The following SSRP1 variants were observed in gnomAD, a reference collection of about 807,000 sequenced individuals.
SSRP1 encodes FACT complex subunit SSRP1.
In SSRP1, 21 loss-of-function variants were observed where a neutral mutation model predicts 84.4. That is an observed-to-expected ratio of 0.25 (90% CI 0.18 to 0.36). The LOEUF (loss-of-function observed/expected upper bound fraction) is 0.36. Among genes scored for constraint, SSRP1 ranks in the 10% least tolerant of loss-of-function variants. The pLI is 1.00. For synonymous variants in SSRP1, 319 were observed against 318.3 expected, an observed-to-expected ratio of 1.00 and a Z score of -0.02; for missense variants, 519 against 900.8, an observed-to-expected ratio of 0.58 and a Z score of 5.43.
intron 8 of SSRP1, 65 bp from the exon 9 acceptor site, chr11:57,331,954 A>G: frequency 1.3e-6 from 2 of 1,524,788 alleles, no homozygotes; most frequent in Admixed American, 3.7e-5. Context: ...CGTATCTAGC[A>G]GCAGCGACAC....
chr11:57,330,728 C>T lies in SSRP1; in HGVS notation c.1296+127G>A, dbSNP rs962231828. 46 of 1,525,172 alleles carry T rather than the reference C, an allele frequency of 3.0e-5. No homozygotes were observed. The highest frequency in any genetic ancestry group is 4.1e-5 in the African/African-American group (3 of 72,456). The allele number at this position is 1,525,172 out of a possible 1,614,324, so 94.5% of individuals were successfully genotyped here. A position where few individuals can be genotyped will look rare whatever the true frequency, so the allele number is the denominator to read the frequency against. On this transcript the variant is annotated intron_variant, in intron 10 of 16. Transcript: ENST00000278412. This position sits in a 1 kb window ranked among gnomAD's most constrained non-coding sequence, Gnocchi z 4.0. ...GCACCAGGAGGGGGAAAGGGTCACA[C>T]GCACCTCTTTTTTCTATAAGGGTAA... is the stretch of plus-strand genomic sequence containing the variant.
intron 12 of SSRP1, chr11:57,329,297 C>T (rs371138246): frequency 7.9e-4 from 120 of 152,300 alleles, no homozygotes; most frequent in African/African-American, 2.8e-3. Flanking sequence ...TGGGAACCAC[C>T]TTGCCCCCAC....
In SSRP1 at chr11:57,330,010, ACCTGAGAAATGT is replaced by A. The variant is rs1856058189; in HGVS notation, c.1481+71_1481+82del. 6.5e-7 allele frequency: 1 copy of A among 1,541,838 alleles called. No individual in the cohort carries two copies. The highest frequency in any genetic ancestry group is 1.7e-5 in the Admixed American group (1 of 59,894). ...TTCTGGGTCAGTAGCTAATGCTGGG[ACCTGAGAAATGT>A]CCAGAAATCTTCTGGTCCCTTAAGC... On this transcript the variant is annotated intron_variant, in intron 12 of 16. Coordinates refer to ENST00000278412, the MANE Select transcript of SSRP1 (RefSeq NM_003146.3). This position sits in a 1 kb window ranked among gnomAD's most constrained non-coding sequence, Gnocchi z 4.0.
Position 57,333,092 on chromosome 11 carries a change from T to C in SSRP1, c.404A>G (p.Asn135Ser), listed in dbSNP as rs1295464703. ...CTTGCCTGTGGTGCACTGGGACACA[T>C]TGCTGAGGGGTATCTCAAAGACTGG... ...DQPVFEIPLS[N>S]VSQCTTGKNE... The change falls in exon 5 of 17, where the codon AAT becomes AGT. Residue 135 changes from asparagine (N) to serine (S), a missense_variant. Transcript: ENST00000278412. 2.5e-6 allele frequency: 4 copies of C among 1,614,096 alleles called. No individual in the cohort carries two copies. Among genetic ancestry groups the C allele is most frequent in the South Asian group, 2.2e-5 (2 of 91,080 alleles).
chr11:57,327,360 CG>C, intron 15 of SSRP1, 65 bp downstream of exon 15: 1 of 1,486,614 alleles, frequency 6.7e-7, no homozygotes, highest in Non-Finnish European at 9.4e-7. Context: ...TGCTCAACTT[CG>C]GCCTGTTAAA....
intron 12 of SSRP1, 37 bp from the exon 13 acceptor site, chr11:57,328,463 G>C: frequency 6.2e-7 from 1 of 1,612,630 alleles, no homozygotes; most frequent in Non-Finnish European, 8.5e-7. Context: ...CTTGAGGAGG[G>C]AAGACAGGAC....
At position 57,335,207 on chromosome 11, in the gene SSRP1, G is replaced by A; in HGVS notation, c.-86C>T. ...AACTGGGAGCTGGGCCCCAACTCCTGAGTGGGTGTGCGGATGCTCAGCAGG... is the reference window on the plus strand; with the variant it reads ...AACTGGGAGCTGGGCCCCAACTCCTAAGTGGGTGTGCGGATGCTCAGCAGG... On this transcript the variant is annotated 5_prime_UTR_variant, in exon 2 of 17. Transcript: ENST00000278412. The surrounding 1 kb of genome is among the most constrained non-coding windows in gnomAD (Gnocchi z 4.6). The A allele has an allele frequency of 7.2e-7, 1 of 1,388,768 alleles. No individual in the cohort carries two copies. Among genetic ancestry groups the A allele is most frequent in the Non-Finnish European group, 1.0e-6 (1 of 977,256 alleles). The allele number at this position is 1,388,768 out of a possible 1,614,324, so 86.0% of individuals were successfully genotyped here. A position where few individuals can be genotyped will look rare whatever the true frequency, so the allele number is the denominator to read the frequency against.
chr11:57,332,480 G>A lies in SSRP1; in HGVS notation c.775C>T (p.Leu259=). Residue 259 remains leucine (L), a synonymous_variant, in exon 7 of 17, where the codon CTG becomes TTG. Transcript: ENST00000278412. The surrounding 1 kb of genome is among the most constrained non-coding windows in gnomAD (Gnocchi z 5.5). ...DQRQMFFVIS[L]DPPIKQGQTR... The stretch of plus-strand genomic sequence containing the variant: ...TGGCCTTGCTTGATTGGGGGATCCA[G>A]GCTGATCTAGTAAGGAAGAGTACTA... 1 of 1,614,040 alleles carries A rather than the reference G, an allele frequency of 6.2e-7. No individual in the cohort carries two copies. Among genetic ancestry groups the A allele is most frequent in the East Asian group, 2.2e-5 (1 of 44,884 alleles).
chr11:57,328,035 C>T, intron 13 of SSRP1, 153 bp from the exon 14 acceptor site: 1 of 1,012,550 alleles, frequency 9.9e-7, no homozygotes, highest in Non-Finnish European at 1.4e-6. Context: ...ATAGTATCTC[C>T]TTCCCCTCTG....
chr11:57,334,321 T>C (rs1856160210), intron 3 of SSRP1, 142 bp downstream of exon 3: 1 of 892,260 alleles, frequency 1.1e-6, no homozygotes. Flanking sequence ...CAAACACTGA[T>C]TGCCTGATGG....
rs776740487 is a variant in SSRP1 at position 57,330,937 on chromosome 11, G to A, written c.1224-10C>T. 3 of 1,614,078 alleles carry A rather than the reference G, an allele frequency of 1.9e-6. No individual in the cohort carries two copies. The highest frequency in any genetic ancestry group is 1.1e-5 in the South Asian group (1 of 91,082). On this transcript the variant is annotated splice_polypyrimidine_tract_variant and intron_variant, in intron 9 of 16. Transcript: ENST00000278412. This position sits in a 1 kb window ranked among gnomAD's most constrained non-coding sequence, Gnocchi z 4.0. ...TTTCCCGTACTCCTCCCTGTGAGGGGACATGCACCATGTTACCAGAGAGGT... is the reference window on the plus strand; with the variant it reads ...TTTCCCGTACTCCTCCCTGTGAGGGAACATGCACCATGTTACCAGAGAGGT...
At chr11:57,329,872 G>A in intron 12 of SSRP1, 2 of 618,778 alleles carry the variant, frequency 3.2e-6, no homozygotes, top group South Asian at 3.9e-5. Flanking sequence ...AGGGCGGTAT[G>A]GCCATAGATC....
Position 57,333,538 on chromosome 11 carries a change from C to T in SSRP1, c.243G>A (p.Glu81=), listed in dbSNP as rs752331254. 45 of 1,612,046 alleles carry T rather than the reference C, an allele frequency of 2.8e-5. No individual in the cohort carries two copies. Among genetic ancestry groups the T allele is most frequent in the Admixed American group, 5.0e-5 (3 of 59,996 alleles). The part of the protein sequence containing the change: ...VYKYDGFRES[E]FEKLSDFFKT... ...TGAAGAAATCAGAGAGTTTCTCAAA[C>T]TCCTGTGGGTGGAGGGAAGAAAGCA... is the stretch of plus-strand genomic sequence containing the variant. The change falls in exon 4 of 17, where the codon GAG becomes GAA. Residue 81 remains glutamate, a splice_region_variant and synonymous_variant. Transcript: ENST00000278412.
At position 57,326,206 on chromosome 11, in the gene SSRP1, A is replaced by G. The variant is rs529931230; in HGVS notation, c.*201T>C. 3 of 606,312 alleles carry G rather than the reference A, an allele frequency of 4.9e-6. No individual in the cohort carries two copies. The South Asian group carries it at 6.1e-5, about 12-fold the overall frequency. 37.6% of individuals were successfully genotyped at this position (606,312 alleles called of 1,614,324 possible). On this transcript the variant is annotated 3_prime_UTR_variant, in exon 17 of 17. Coordinates refer to ENST00000278412, the MANE Select transcript of SSRP1 (RefSeq NM_003146.3). The stretch of plus-strand genomic sequence containing the variant: ...CTGCCTCCCACCCTATCTCTCCCCA[A>G]ATTATAAACAGCCATCCTTGGGAAG...
chr11:57,328,239 C>G, intron 13 of SSRP1, 58 bp downstream of exon 13: 2 of 1,588,484 alleles, frequency 1.3e-6, no homozygotes, highest in Non-Finnish European at 1.7e-6. Flanking sequence ...AAAGAGAATG[C>G]CTCCCACGCC....
At chr11:57,327,234 C>T (rs1274642347) in intron 15 of SSRP1, 192 bp downstream of exon 15, 8 of 699,766 alleles carry the variant, frequency 1.1e-5, no homozygotes, top group Non-Finnish European at 1.7e-5. Context: ...GGCCATATTT[C>T]CCCAGTGACT....
At position 57,327,446 on chromosome 11, in the gene SSRP1, G is replaced by A; in HGVS notation, c.1851C>T (p.Gly617=). The change falls in exon 15 of 17, where the codon GGC becomes GGT. Residue 617 remains glycine (G), a synonymous_variant. Coordinates refer to ENST00000278412, the MANE Select transcript of SSRP1 (RefSeq NM_003146.3). ...CTCACCTCTTAGAAGACTCGCCTCG[G>A]CCCCCTTCATATTCTTTCATGGCTT... ...YEKAMKEYEG[G]RGESSKRDKS... The A allele has an allele frequency of 6.2e-7, 1 of 1,613,526 alleles. No individual in the cohort carries two copies. The highest frequency in any genetic ancestry group is 8.5e-7 in the Non-Finnish European group (1 of 1,179,940).
chr11:57,331,594 G>A, intron 9 of SSRP1, 74 bp downstream of exon 9: 3 of 1,266,676 alleles, frequency 2.4e-6, no homozygotes, highest in Non-Finnish European at 3.4e-6. Context: ...GAGTGCCCCA[G>A]GCCACGCCAG....
Position 57,332,766 on chromosome 11 carries a change from A to T in SSRP1, c.627T>A (p.Thr209=), listed in dbSNP as rs1856119865. The change falls in exon 6 of 17, where the codon ACT becomes ACA. Residue 209 remains threonine, a synonymous_variant. Transcript: ENST00000278412. The surrounding 1 kb of genome is among the most constrained non-coding windows in gnomAD (Gnocchi z 5.5). ...TCCGAATGTCATAACGACCACGAGGAGTCAGACACTGCAGCTCCCGGAAGA... is the reference window on the plus strand; with the variant it reads ...TCCGAATGTCATAACGACCACGAGGTGTCAGACACTGCAGCTCCCGGAAGA... The part of the protein sequence containing the change: ...ICIFRELQCL[T]PRGRYDIRIY... The T allele has an allele frequency of 1.9e-6, 3 of 1,614,050 alleles. No individual in the cohort carries two copies. Among genetic ancestry groups the T allele is most frequent in the African/African-American group, 1.3e-5 (1 of 74,932 alleles).
Sources: allele counts gnomAD v4.1 joint callset, GRCh38; gene constraint gnomAD v4.1.1; non-coding constraint Gnocchi (gnomAD v3.1); transcripts MANE v1.5; gene names NCBI Gene and HGNC (gene_info 2026-07-23, HGNC 2026-07-21).